The following TSC22D2 variants were observed in gnomAD, a reference collection of about 807,000 sequenced individuals.
The protein encoded by TSC22D2 is TSC22 domain family member 2, also known as TSC22 domain family protein 2.
Under a neutral mutation model 50.1 loss-of-function variants are expected in TSC22D2, and 5 were observed. The ratio of observed to expected loss-of-function variants is 0.10; its 90% CI spans 0.05 to 0.21. TSC22D2 has a LOEUF of 0.21. Ranked by LOEUF, TSC22D2 falls within the 10% of genes least tolerant of loss-of-function variation. The pLI is 1.00. For missense variants in TSC22D2, 1,003 were observed against 1,015.5 expected (o/e 0.99, Z 0.17); for synonymous variants, 501 against 450.1 (o/e 1.11, Z -1.43).
At chr3:150,426,792 C>CT (rs1454136296) in intron 1 of TSC22D2, among the ~76,000 whole-genome samples, 1 of 152,012 alleles carries the variant, frequency 6.6e-6, no homozygotes, top group Admixed American at 6.6e-5. Context: ...AAATGAAAGT[C>CT]TAGTAAGTTT....
chr3:150,437,805 C>G (rs1231797427), intron 1 of TSC22D2, among the ~76,000 whole-genome samples: 1 of 151,380 alleles, frequency 6.6e-6, no homozygotes, highest in African/African-American at 2.4e-5. Context: ...GGGACTCCGT[C>G]TCAAAATAAA....
intron 1 of TSC22D2, among the ~76,000 whole-genome samples, chr3:150,417,156 G>A (rs1553815055): frequency 6.6e-6 from 1 of 152,162 alleles, no homozygotes; most frequent in African/African-American, 2.4e-5. Context: ...CCTAAAATTT[G>A]TCTAAAGAAT....
intron 1 of TSC22D2, among the ~76,000 whole-genome samples, chr3:150,417,920 T>C (rs2108065251): frequency 6.6e-6 from 1 of 152,226 alleles, no homozygotes; most frequent in East Asian, 1.9e-4. Context: ...TTCTATCATT[T>C]AGCTGGTTTC....
At chr3:150,443,217 C>G (rs1323819693) in intron 1 of TSC22D2, among the ~76,000 whole-genome samples, 2 of 152,058 alleles carry the variant, frequency 1.3e-5, no homozygotes, top group Non-Finnish European at 2.9e-5. Flanking sequence ...TCTCATAAAC[C>G]CTTTCTGTAA....
chr3:150,411,589 G>GT (rs1436054224), intron 1 of TSC22D2, among the ~76,000 whole-genome samples: 2 of 152,156 alleles, frequency 1.3e-5, no homozygotes, highest in African/African-American at 4.8e-5. Flanking sequence ...CCATTTAATG[G>GT]TGGTAGCTAG....
chr3:150,430,096 CAT>C lies in TSC22D2; in HGVS notation c.1958+18792_1958+18793del, dbSNP rs1026291912. Among the ~76,000 whole-genome samples, 47 of 152,192 alleles carry C rather than the reference CAT, an allele frequency of 3.1e-4. 1 individual carries two copies. The highest frequency in any genetic ancestry group is 1.0e-3 in the African/African-American group (42 of 41,538). On this transcript the variant is annotated intron_variant, in intron 1 of 2. Coordinates refer to ENST00000688009, the MANE Select transcript of TSC22D2 (RefSeq NM_001303264.2). ...TATCACATGATTGAAAGTAATAACT[CAT>C]ATAAAATGTAAGCACTTCATATCTC...
In TSC22D2 at chr3:150,410,463, C is replaced by G. The variant is rs927308371; in HGVS notation, c.1113C>G (p.Pro371=). ...QPQIPPGHLL[P]VQPSGQSEYL... Reference sequence around the variant, plus strand: ...AGATACCGCCCGGACATTTGCTGCCCGTCCAGCCCTCCGGCCAGAGTGAGT... The same window carrying G: ...AGATACCGCCCGGACATTTGCTGCCGGTCCAGCCCTCCGGCCAGAGTGAGT... Residue 371 remains proline, a synonymous_variant, in exon 1 of 3, where the codon CCC becomes CCG. Transcript: ENST00000688009. 1.2e-6 allele frequency: 2 copies of G among 1,608,564 alleles called. No individual in the cohort carries two copies. The highest frequency in any genetic ancestry group is 1.7e-5 in the Admixed American group (1 of 59,792).
intron 1 of TSC22D2, among the ~76,000 whole-genome samples, chr3:150,435,237 T>A (rs1720499906): frequency 6.6e-6 from 1 of 152,140 alleles, no homozygotes; most frequent in Non-Finnish European, 1.5e-5. Context: ...CTCTGTGGGA[T>A]CCCAAAGTGC....
At chr3:150,457,723 C>T (rs1357081829) in intron 2 of TSC22D2, among the ~76,000 whole-genome samples, 1 of 152,180 alleles carries the variant, frequency 6.6e-6, no homozygotes, top group Admixed American at 6.5e-5. Flanking sequence ...GCAACCTCCA[C>T]CTCCCAGGTT....
intron 1 of TSC22D2, among the ~76,000 whole-genome samples, chr3:150,415,449 T>C (rs1327723498): frequency 2.0e-5 from 3 of 152,242 alleles, no homozygotes; most frequent in Non-Finnish European, 4.4e-5. Context: ...TCATTTTATA[T>C]AGGACTGGTG....
intron 1 of TSC22D2, among the ~76,000 whole-genome samples, chr3:150,418,070 T>C (rs1016132680): frequency 6.6e-6 from 1 of 152,100 alleles, no homozygotes; most frequent in Non-Finnish European, 1.5e-5. Context: ...CTTTCTTCTT[T>C]TTACCCCTTT....
intron 1 of TSC22D2, among the ~76,000 whole-genome samples, chr3:150,443,494 C>G (rs901029468): frequency 6.6e-5 from 10 of 152,196 alleles, no homozygotes; most frequent in African/African-American, 2.2e-4. Context: ...GGACGTTTCT[C>G]TACTTATTGA....
intron 1 of TSC22D2, among the ~76,000 whole-genome samples, chr3:150,411,772 A>G (rs766209772): frequency 9.2e-5 from 14 of 152,190 alleles, no homozygotes; most frequent in Non-Finnish European, 1.6e-4. Context: ...TATGTAAGGA[A>G]TCTTCTCCAG....
intron 1 of TSC22D2, among the ~76,000 whole-genome samples, chr3:150,435,112 G>A (rs1268701440): frequency 6.6e-6 from 1 of 151,916 alleles, no homozygotes; most frequent in Non-Finnish European, 1.5e-5. Flanking sequence ...CGAGTAGCTG[G>A]GATTACGGGC....
At chr3:150,453,346 T>G (rs890625140) in intron 1 of TSC22D2, among the ~76,000 whole-genome samples, 4 of 152,236 alleles carry the variant, frequency 2.6e-5, no homozygotes, top group Non-Finnish European at 4.4e-5. Flanking sequence ...CTCACTATGA[T>G]AACTTTGAAC....
chr3:150,437,592 G>T (rs976288991), intron 1 of TSC22D2, among the ~76,000 whole-genome samples: 1 of 151,398 alleles, frequency 6.6e-6, no homozygotes, highest in Non-Finnish European at 1.5e-5. Flanking sequence ...CACGAGGTCA[G>T]AGATCGAGAC....
At chr3:150,415,197 G>A (rs1349147008) in intron 1 of TSC22D2, among the ~76,000 whole-genome samples, 4 of 152,120 alleles carry the variant, frequency 2.6e-5, no homozygotes, top group South Asian at 2.1e-4. Context: ...CAAACTACCC[G>A]AAATTCCTAA....
intron 1 of TSC22D2, among the ~76,000 whole-genome samples, chr3:150,444,831 T>C (rs114154135): frequency 0.011 from 1,605 of 152,298 alleles, 26 homozygotes; most frequent in African/African-American, 0.036. Context: ...AATGACCCTT[T>C]AGATTTTATA....
intron 1 of TSC22D2, among the ~76,000 whole-genome samples, chr3:150,449,892 A>G (rs1720990605): frequency 6.6e-6 from 1 of 151,960 alleles, no homozygotes; most frequent in Non-Finnish European, 1.5e-5. Context: ...CTTTCTTGTT[A>G]ATGTTCAGTG....
Sources: allele counts gnomAD v4.1 joint callset (sites outside exome capture counted in the v4.1 genomes callset), GRCh38; gene constraint gnomAD v4.1.1; transcripts MANE v1.5; gene names NCBI Gene and HGNC (gene_info 2026-07-23, HGNC 2026-07-21).